FAT3: variants seen among roughly 807,000 people sequenced by gnomAD.
The protein encoded by FAT3 is protocadherin Fat 3.
A neutral mutation model predicts 310.2 loss-of-function variants in FAT3; 95 were observed. The observed-to-expected ratio is 0.31, with a 90% CI of 0.26 to 0.36. The LOEUF (loss-of-function observed/expected upper bound fraction) is 0.36. Among genes scored for constraint, FAT3 ranks in the 10% least tolerant of loss-of-function variants. The pLI is 1.00. For synonymous variants in FAT3, 2,314 were observed against 2,192.9 expected, an observed-to-expected ratio of 1.06 and a Z score of -1.54; for missense variants, 5,408 against 5,715.6, an observed-to-expected ratio of 0.95 and a Z score of 1.74.
chr11:92,460,104 G>T (rs1951597142), intron 2 of FAT3, among the ~76,000 whole-genome samples: 1 of 152,248 alleles, frequency 6.6e-6, no homozygotes, highest in African/African-American at 2.4e-5. Flanking sequence ...TGCCTGCCTT[G>T]GATATTTGGG....
At chr11:92,787,792 A>T (rs1315835283) in intron 7 of FAT3, among the ~76,000 whole-genome samples, 2 of 151,812 alleles carry the variant, frequency 1.3e-5, no homozygotes, top group African/African-American at 4.8e-5. Context: ...TTATTCTGAG[A>T]TTTTTGTGCA....
At position 92,809,980 on chromosome 11, in the gene FAT3, C is replaced by T. The variant is rs1255903968; in HGVS notation, c.9385C>T (p.Pro3129Ser). The change falls in exon 13 of 28, where the codon CCT becomes TCT. Residue 3129 changes from proline (P) to serine (S), a missense_variant. Pro to Ser is a moderately conservative substitution (Grantham distance 74). This residue lies in a region of FAT3 where 4,588 missense variants were observed against 4,809.8 expected (regional missense o/e 0.95). Coordinates refer to ENST00000525166, the MANE Select transcript of FAT3 (RefSeq NM_001367949.2). ...CCTGGAGGATGTGAATGATAACCCC[C>T]CTGTGTTTTCTTCTGACCACTACAA... The part of the protein sequence containing the change: ...LILEDVNDNP[P>S]VFSSDHYNTC... 1 of 1,613,806 alleles carries T rather than the reference C, an allele frequency of 6.2e-7. No homozygotes were observed. Among genetic ancestry groups the T allele is most frequent in the Non-Finnish European group, 8.5e-7 (1 of 1,179,850 alleles).
intron 1 of FAT3, among the ~76,000 whole-genome samples, chr11:92,290,872 C>G (rs1415217110): frequency 1.3e-5 from 2 of 151,952 alleles, no homozygotes; most frequent in Non-Finnish European, 2.9e-5. Context: ...TGCACACCAG[C>G]CACTTGTAGC....
At chr11:92,646,154 A>C (rs1176947890) in intron 3 of FAT3, among the ~76,000 whole-genome samples, 1 of 152,178 alleles carries the variant, frequency 6.6e-6, no homozygotes, top group African/African-American at 2.4e-5. Flanking sequence ...GCATTGATGG[A>C]GGTCACTTGG....
intron 2 of FAT3, among the ~76,000 whole-genome samples, chr11:92,458,523 C>CT (rs1951556756): frequency 6.6e-6 from 1 of 152,132 alleles, no homozygotes; most frequent in Non-Finnish European, 1.5e-5. Flanking sequence ...CCATGAAACT[C>CT]TGAGAAACCC....
At chr11:92,853,470 G>A (rs575243995) in intron 19 of FAT3, among the ~76,000 whole-genome samples, 1 of 152,336 alleles carries the variant, frequency 6.6e-6, no homozygotes, top group East Asian at 1.9e-4. Flanking sequence ...CCGCAATGTG[G>A]AGAGCAGGGG....
chr11:92,332,539 G>A (rs1947947833), intron 1 of FAT3, among the ~76,000 whole-genome samples: 1 of 152,030 alleles, frequency 6.6e-6, no homozygotes, highest in Non-Finnish European at 1.5e-5. Flanking sequence ...TGGTTTTTGG[G>A]TTCTGTCTCT....
intron 1 of FAT3, among the ~76,000 whole-genome samples, chr11:92,272,279 A>G (rs1294380398): frequency 6.6e-6 from 1 of 152,124 alleles, no homozygotes; most frequent in African/African-American, 2.4e-5. Flanking sequence ...CAAGCAGAGT[A>G]GAAATCAAGC....
chr11:92,773,563 AG>A (rs1259849596), intron 6 of FAT3, among the ~76,000 whole-genome samples: 1 of 152,114 alleles, frequency 6.6e-6, no homozygotes, highest in Non-Finnish European at 1.5e-5. Context: ...CGTTTAATTA[AG>A]GGAATCTGAA....
chr11:92,881,167 G>A (rs1256432919), intron 23 of FAT3, among the ~76,000 whole-genome samples: 1 of 152,174 alleles, frequency 6.6e-6, no homozygotes, highest in African/African-American at 2.4e-5. Context: ...AGAAAAGAAA[G>A]TCATCTAGGC....
chr11:92,649,664 G>C (rs549803942), intron 3 of FAT3, among the ~76,000 whole-genome samples: 5 of 151,962 alleles, frequency 3.3e-5, no homozygotes, highest in Admixed American at 3.3e-4. Flanking sequence ...TACACACATC[G>C]CCATGGAATG....
intron 4 of FAT3, among the ~76,000 whole-genome samples, chr11:92,744,259 G>A (rs1292776974): frequency 6.6e-6 from 1 of 152,120 alleles, no homozygotes; most frequent in Non-Finnish European, 1.5e-5. Flanking sequence ...ATAATACCTA[G>A]AGAAGGAATG....
chr11:92,758,337 G>A (rs1345791325), intron 4 of FAT3, among the ~76,000 whole-genome samples: 7 of 152,172 alleles, frequency 4.6e-5, no homozygotes, highest in Non-Finnish European at 7.4e-5. Context: ...ACATACTAAG[G>A]GCACCTACAT....
intron 3 of FAT3, among the ~76,000 whole-genome samples, chr11:92,543,277 C>T (rs1954510336): frequency 6.6e-6 from 1 of 152,106 alleles, no homozygotes; most frequent in Non-Finnish European, 1.5e-5. Context: ...ATTGGGGTGA[C>T]TTTGGTTGCC....
intron 14 of FAT3, among the ~76,000 whole-genome samples, chr11:92,833,876 A>G (rs1034651789): frequency 6.6e-6 from 1 of 152,204 alleles, no homozygotes; most frequent in Non-Finnish European, 1.5e-5. Flanking sequence ...AATAAGCACT[A>G]GGGGTGGTAA....
At chr11:92,657,104 G>A (rs895236657) in intron 3 of FAT3, among the ~76,000 whole-genome samples, 10 of 152,210 alleles carry the variant, frequency 6.6e-5, no homozygotes, top group Admixed American at 5.9e-4. Flanking sequence ...ATTTCCACAG[G>A]AAAGTCACAT....
At position 92,800,904 on chromosome 11, in the gene FAT3, G is replaced by A. The variant is rs777576761; in HGVS notation, c.7891G>A (p.Ala2631Thr). 1.1e-5 allele frequency: 18 copies of A among 1,612,994 alleles called. No individual in the cohort carries two copies. The highest frequency in any genetic ancestry group is 1.4e-5 in the Non-Finnish European group (17 of 1,179,510). The change falls in exon 10 of 28, where the codon GCA becomes ACA. Residue 2631 changes from alanine (A) to threonine (T), a missense_variant. Ala to Thr is a moderately conservative substitution (Grantham distance 58). Coordinates refer to ENST00000525166, the MANE Select transcript of FAT3 (RefSeq NM_001367949.2). ...QVQAIDPDDGANSRITYSLYS... is the reference protein window; with the variant it reads ...QVQAIDPDDGTNSRITYSLYS... ...TCAAGCCATAGATCCCGATGATGGA[G>A]CAAATTCAAGGATTACTTATTCCCT... is the stretch of plus-strand genomic sequence containing the variant.
At chr11:92,244,155 G>A (rs1257765318) in intron 1 of FAT3, among the ~76,000 whole-genome samples, 1 of 152,068 alleles carries the variant, frequency 6.6e-6, no homozygotes, top group Non-Finnish European at 1.5e-5. Flanking sequence ...CATCAGAACA[G>A]GGAGGTAAAT....
chr11:92,538,967 T>C (rs911712862), intron 3 of FAT3, among the ~76,000 whole-genome samples: 1 of 152,148 alleles, frequency 6.6e-6, no homozygotes. Flanking sequence ...CCTCTGCCAA[T>C]GACCATTTTT....
Sources: allele counts gnomAD v4.1 joint callset (sites outside exome capture counted in the v4.1 genomes callset), GRCh38; gene constraint gnomAD v4.1.1; regional missense constraint gnomAD v4.1.1; transcripts MANE v1.5; gene names NCBI Gene and HGNC (gene_info 2026-07-23, HGNC 2026-07-21).